The following POU1F1 variants were observed in gnomAD, a reference collection of about 807,000 sequenced individuals.
The protein encoded by POU1F1 is POU class 1 homeobox 1.
POU1F1 carries 23 observed loss-of-function variants against 32.3 expected under a neutral mutation model. The ratio of observed to expected loss-of-function variants is 0.71; its 90% confidence interval spans 0.51 to 1.01. POU1F1 has a LOEUF of 1.01. Ranked by LOEUF, POU1F1 falls within the 50% of genes least tolerant of loss-of-function variation. The pLI is 0.00. For missense variants in POU1F1, 323 were observed against 341.6 expected (o/e 0.95, Z 0.43); for synonymous variants, 120 against 115.6 (o/e 1.04, Z -0.25).
At chr3:87,267,237 A>G (rs1051803628) in intron 2 of POU1F1, among the ~76,000 whole-genome samples, 1 of 152,164 alleles carries the variant, frequency 6.6e-6, no homozygotes, top group African/African-American at 2.4e-5. Context: ...ATTTGTTATC[A>G]TCTTTATCCT....
chr3:87,276,435 C>T lies in POU1F1; in HGVS notation c.28G>A (p.Asp10Asn). The change falls in exon 1 of 6, where the codon GAT becomes AAT. Residue 10 changes from aspartate (D) to asparagine (N), a missense_variant. Transcript: ENST00000350375. MSCQAFTSA[D>N]TFIPLNSDAS... ...TCAGAATTCAGAGGTATAAAGGTAT[C>T]AGCCGAAGTAAAAGCTTGGCAACTC... 1 of 1,613,860 alleles carries T rather than the reference C, an allele frequency of 6.2e-7. No individual in the cohort carries two copies.
At chr3:87,261,996 G>A in intron 4 of POU1F1, 75 bp downstream of exon 4, 13 of 1,557,056 alleles carry the variant, frequency 8.3e-6, no homozygotes, top group South Asian at 6.7e-5. Context: ...TCCTGCTTTA[G>A]CATTAATCCT....
Position 87,259,637 on chromosome 3 carries a change from G to C in POU1F1, c.*257C>G, listed in dbSNP as rs747415516. The C allele has an allele frequency of 6.1e-5, 27 of 444,298 alleles. No individual in the cohort carries two copies. Among genetic ancestry groups the C allele is most frequent in the Middle Eastern group, 6.5e-4 (1 of 1,542 alleles). 27.5% of individuals were successfully genotyped at this position (444,298 alleles called of 1,614,324 possible). On this transcript the variant is annotated 3_prime_UTR_variant, in exon 6 of 6. Coordinates refer to ENST00000350375, the MANE Select transcript of POU1F1 (RefSeq NM_000306.4). Reference sequence around the variant, plus strand: ...TGTGAGAAAGAGAGCGGGAGAGACAGAGAGATCATTTTATTACTGTTAATA... The same window carrying C: ...TGTGAGAAAGAGAGCGGGAGAGACACAGAGATCATTTTATTACTGTTAATA...
chr3:87,276,096 A>C (rs1408313778), intron 1 of POU1F1, among the ~76,000 whole-genome samples: 1 of 152,158 alleles, frequency 6.6e-6, no homozygotes, highest in Non-Finnish European at 1.5e-5. Context: ...CTTCCTTACA[A>C]CAAAGCCAAC....
intron 5 of POU1F1, among the ~76,000 whole-genome samples, chr3:87,260,999 C>T (rs1706503516): frequency 6.6e-6 from 1 of 151,800 alleles, no homozygotes; most frequent in African/African-American, 2.4e-5. Flanking sequence ...CAACCTCCGC[C>T]TCCCAGGTTC....
At position 87,259,878 on chromosome 3, in the gene POU1F1, A is replaced by G; in HGVS notation, c.*16T>C. Reference sequence around the variant, plus strand: ...AATGAAACGGGAGAAAAAGGCTATTATACAATAGAAAAATCTTATCTGCAC... The same window carrying G: ...AATGAAACGGGAGAAAAAGGCTATTGTACAATAGAAAAATCTTATCTGCAC... On this transcript the variant is annotated 3_prime_UTR_variant, in exon 6 of 6. Coordinates refer to ENST00000350375, the MANE Select transcript of POU1F1 (RefSeq NM_000306.4). 1 of 1,599,354 alleles carries G rather than the reference A, an allele frequency of 6.3e-7. No individual in the cohort carries two copies. The highest frequency in any genetic ancestry group is 8.6e-7 in the Non-Finnish European group (1 of 1,166,742).
chr3:87,264,515 G>A lies in POU1F1; in HGVS notation c.215-3C>T, dbSNP rs754584667. 5 of 1,559,090 alleles carry A rather than the reference G, an allele frequency of 3.2e-6. No homozygotes were observed. In the Admixed American group the frequency reaches 8.3e-5, roughly 26 times the overall value. On this transcript the variant is annotated splice_polypyrimidine_tract_variant and splice_region_variant and intron_variant, in intron 2 of 5. Coordinates refer to ENST00000350375, the MANE Select transcript of POU1F1 (RefSeq NM_000306.4). ...ATAAAGACAAGGGGTTAAACTACCT[G>A]TGAGTAAACAAAGAAATAAAATGAA...
At chr3:87,264,726 A>T (rs2106930696) in intron 2 of POU1F1, among the ~76,000 whole-genome samples, 1 of 152,264 alleles carries the variant, frequency 6.6e-6, no homozygotes, top group African/African-American at 2.4e-5. Context: ...GAGCAGCAAA[A>T]CCAAAGATAG....
intron 2 of POU1F1, among the ~76,000 whole-genome samples, chr3:87,270,028 G>A (rs181036719): frequency 6.6e-6 from 1 of 152,144 alleles, no homozygotes; most frequent in Non-Finnish European, 1.5e-5. Flanking sequence ...TCAGAGTTTT[G>A]AGAACTTTTT....
chr3:87,261,376 CTT>C (rs762450166), intron 4 of POU1F1, 43 bp from the exon 5 acceptor site: 1 of 1,430,514 alleles, frequency 7.0e-7, no homozygotes, highest in Non-Finnish European at 9.7e-7. Context: ...ACAAAGTAGA[CTT>C]TTTATAAAAA....
At chr3:87,272,395 C>G (rs1216701888) in intron 2 of POU1F1, among the ~76,000 whole-genome samples, 1 of 152,162 alleles carries the variant, frequency 6.6e-6, no homozygotes, top group East Asian at 1.9e-4. Flanking sequence ...TGCTGGTGCG[C>G]TGCACCCATT....
At chr3:87,273,632 G>T in intron 1 of POU1F1, 1 of 812,316 alleles carries the variant, frequency 1.2e-6, no homozygotes, top group Admixed American at 2.9e-5. Context: ...GTTAAAACTA[G>T]GGGGGATCAA....
chr3:87,265,144 T>C (rs772054454), intron 2 of POU1F1, among the ~76,000 whole-genome samples: 20 of 152,144 alleles, frequency 1.3e-4, no homozygotes, highest in Admixed American at 3.9e-4. Context: ...CTAAATAGGC[T>C]TGAGGAGTGA....
intron 2 of POU1F1, among the ~76,000 whole-genome samples, chr3:87,268,180 G>A: frequency 7.0e-6 from 1 of 141,896 alleles, no homozygotes; most frequent in South Asian, 2.3e-4. Flanking sequence ...CTAGCTTCAA[G>A]CAATTCTCCT....
Position 87,276,329 on chromosome 3 carries a change from A to G in POU1F1, c.134T>C (p.Met45Thr). 1 of 1,613,996 alleles carries G rather than the reference A, an allele frequency of 6.2e-7. No homozygotes were observed. The highest frequency in any genetic ancestry group is 1.7e-5 in the Admixed American group (1 of 60,016). Residue 45 changes from methionine (M) to threonine (T), a missense_variant, in exon 1 of 6, where the codon ATG becomes ACG. Physicochemically the swap from Met to Thr is moderately conservative, Grantham distance 81 (BLOSUM62 -1). Transcript: ENST00000350375. ...GTCATAGGAGTCAGTACCTGTAGAC[A>G]TCACATTGGTGGCATGGTTGGAGAC... ...LPVSNHATNV[M>T]STATGLHYSV... is the part of the protein sequence containing the mutation.
chr3:87,264,600 C>T (rs1206194227), intron 2 of POU1F1, 88 bp from the exon 3 acceptor site: 2 of 1,026,450 alleles, frequency 1.9e-6, no homozygotes, highest in South Asian at 1.3e-5. Context: ...TGACTTAGCC[C>T]ATTATTCTGC....
intron 5 of POU1F1, 60 bp downstream of exon 5, chr3:87,261,213 G>T: frequency 8.3e-7 from 1 of 1,206,212 alleles, no homozygotes; most frequent in Non-Finnish European, 1.2e-6. Context: ...ACACTCAAAT[G>T]CTCATTCCAT....
Position 87,262,639 on chromosome 3 carries a change from G to A in POU1F1, c.440-404C>T, listed in dbSNP as rs562232871. ...TTAACTATAATGCATAAAATATACG[G>A]TTATATATCATAACATTCTTATTTC... is the stretch of plus-strand genomic sequence containing the variant. On this transcript the variant is annotated intron_variant, in intron 3 of 5. Transcript: ENST00000350375. Among the ~76,000 whole-genome samples, 30 of 151,916 alleles carry A rather than the reference G, an allele frequency of 2.0e-4. 1 individual carries two copies. Among genetic ancestry groups the A allele is most frequent in the Admixed American group, 7.2e-4 (11 of 15,238 alleles).
At chr3:87,261,795 G>T (rs945268196) in intron 4 of POU1F1, among the ~76,000 whole-genome samples, 4 of 152,068 alleles carry the variant, frequency 2.6e-5, no homozygotes, top group African/African-American at 9.7e-5. Flanking sequence ...AAATGGATGT[G>T]TAAAAAAATA....
Sources: allele counts gnomAD v4.1 joint callset (sites outside exome capture counted in the v4.1 genomes callset), GRCh38; gene constraint gnomAD v4.1.1; transcripts MANE v1.5; gene names NCBI Gene and HGNC (gene_info 2026-07-23, HGNC 2026-07-21).